The following PRELID2 variants were observed in gnomAD, a reference collection of about 807,000 sequenced individuals.
PRELID2 encodes the protein PRELI domain-containing protein 2.
PRELID2 carries 25 observed loss-of-function variants against 28.4 expected under a neutral mutation model. That is an observed-to-expected ratio of 0.88 (90% CI 0.64 to 1.23). The LOEUF is 1.23. PRELID2 is among the 50% of genes most tolerant of loss of function. The pLI, the probability that PRELID2 is intolerant of heterozygous loss-of-function variation, is 0.00. For missense variants in PRELID2, 201 were observed against 214.4 expected (o/e 0.94, Z 0.39); for synonymous variants, 76 against 71.6 (o/e 1.06, Z -0.31).
At chr5:145,792,556 A>G (rs1206462803) in intron 5 of PRELID2, among the ~76,000 whole-genome samples, 1 of 152,190 alleles carries the variant, frequency 6.6e-6, no homozygotes, top group Non-Finnish European at 1.5e-5. Context: ...CCAGAAGTAA[A>G]GCTACTTAAG....
At chr5:145,766,153 C>T (rs1757744650) in intron 5 of PRELID2, among the ~76,000 whole-genome samples, 1 of 151,898 alleles carries the variant, frequency 6.6e-6, no homozygotes, top group East Asian at 1.9e-4. Flanking sequence ...CAATTATAAA[C>T]TGAGGTCTCC....
chr5:145,243,186 T>C, the PRELID2 span, among the ~76,000 whole-genome samples: 24 of 152,080 alleles, frequency 1.6e-4, no homozygotes, highest in Middle Eastern at 3.2e-3. Context: ...GTAATTTTTA[T>C]GCTCAATTGA....
At chr5:145,262,443 A>G in the PRELID2 span, among the ~76,000 whole-genome samples, 1 of 152,190 alleles carries the variant, frequency 6.6e-6, no homozygotes. Flanking sequence ...AAGCAAAAGC[A>G]TCAGGTAACC....
chr5:145,652,674 A>G (rs771454993), intron 1 of PRELID2, among the ~76,000 whole-genome samples: 1 of 152,232 alleles, frequency 6.6e-6, no homozygotes, highest in Non-Finnish European at 1.5e-5. Flanking sequence ...AAGGAGAAAT[A>G]AAATCCTTTA....
chr5:145,481,338 A>C (rs1407440354), intron 1 of PRELID2, among the ~76,000 whole-genome samples: 4 of 152,050 alleles, frequency 2.6e-5, no homozygotes, highest in African/African-American at 9.7e-5. Context: ...AAGAGTGCTT[A>C]AAACCTACTT....
intron 1 of PRELID2, among the ~76,000 whole-genome samples, chr5:145,604,749 T>TTG (rs1753472648): frequency 1.1e-5 from 1 of 90,632 alleles, no homozygotes; most frequent in African/African-American, 8.0e-5. Context: ...TTTTTTTTGG[T>TTG]TTTTTTTTTT....
chr5:145,816,524 T>A, intron 4 of PRELID2, among the ~76,000 whole-genome samples: 1 of 152,222 alleles, frequency 6.6e-6, no homozygotes, highest in East Asian at 1.9e-4. Context: ...TGACAAAGAT[T>A]TATACCCATG....
the PRELID2 span, among the ~76,000 whole-genome samples, chr5:145,434,744 C>T: frequency 6.6e-6 from 1 of 152,148 alleles, no homozygotes; most frequent in Non-Finnish European, 1.5e-5. Context: ...AAGTGGGGGG[C>T]ACTGGGTAGT....
intron 1 of PRELID2, among the ~76,000 whole-genome samples, chr5:145,513,914 A>C (rs1456249483): frequency 6.6e-6 from 1 of 152,118 alleles, no homozygotes; most frequent in East Asian, 1.9e-4. Context: ...AAGCGAGGGA[A>C]AAATAAAATC....
the PRELID2 span, among the ~76,000 whole-genome samples, chr5:145,256,071 G>A: frequency 6.6e-6 from 1 of 151,786 alleles, no homozygotes; most frequent in Non-Finnish European, 1.5e-5. Context: ...TGGAAGTCAA[G>A]GCAAAACAGG....
At chr5:145,335,831 C>A in the PRELID2 span, among the ~76,000 whole-genome samples, 1 of 152,186 alleles carries the variant, frequency 6.6e-6, no homozygotes, top group South Asian at 2.1e-4. Flanking sequence ...AGTTCTAGAT[C>A]CCTGAGGAAT....
At chr5:145,329,207 C>T in the PRELID2 span, among the ~76,000 whole-genome samples, 5 of 152,014 alleles carry the variant, frequency 3.3e-5, no homozygotes, top group South Asian at 2.1e-4. Context: ...GGTCAGGTAG[C>T]GCGATGCCTC....
chr5:145,402,106 A>G, the PRELID2 span, among the ~76,000 whole-genome samples: 1 of 152,334 alleles, frequency 6.6e-6, no homozygotes, highest in South Asian at 2.1e-4. Context: ...AGAGTTTACA[A>G]ATCATTTTCA....
chr5:145,508,413 A>G (rs1031332256), intron 1 of PRELID2, among the ~76,000 whole-genome samples: 1 of 152,168 alleles, frequency 6.6e-6, no homozygotes, highest in African/African-American at 2.4e-5. Context: ...TGCACAAAAA[A>G]CTACTCAGAA....
At position 145,759,128 on chromosome 5, in the gene PRELID2, G is replaced by A. The variant is rs1014137853; in HGVS notation, c.*1408C>T. The A allele has an allele frequency of 6.7e-6, 1 of 149,006 alleles. No homozygotes were observed. Among genetic ancestry groups the A allele is most frequent in the African/African-American group, 2.5e-5 (1 of 40,496 alleles). 9.2% of individuals were successfully genotyped at this position (149,006 alleles called of 1,614,324 possible). On this transcript the variant is annotated 3_prime_UTR_variant, in exon 7 of 7. Coordinates refer to ENST00000683046, the MANE Select transcript of PRELID2 (RefSeq NM_205846.3). ...CAATTCTCCTGCCTCAGACTCCCAA[G>A]TAGCTAGGATTACAGGCATGCGCCA...
At chr5:145,413,394 A>C in the PRELID2 span, among the ~76,000 whole-genome samples, 4 of 152,326 alleles carry the variant, frequency 2.6e-5, no homozygotes, top group Admixed American at 1.3e-4. Flanking sequence ...AATGTAACCT[A>C]GTACAACCAA....
chr5:145,404,522 A>G, the PRELID2 span, among the ~76,000 whole-genome samples: 2 of 152,230 alleles, frequency 1.3e-5, no homozygotes, highest in African/African-American at 4.8e-5. Context: ...CAAGGAGCAC[A>G]CAGAGTAGTG....
At chr5:145,663,125 T>C (rs933368785) in intron 1 of PRELID2, among the ~76,000 whole-genome samples, 1 of 152,058 alleles carries the variant, frequency 6.6e-6, no homozygotes, top group African/African-American at 2.4e-5. Context: ...CTGAGGGAAG[T>C]GCAATGTATG....
At chr5:145,817,001 C>T (rs1754349046) in intron 4 of PRELID2, among the ~76,000 whole-genome samples, 1 of 150,542 alleles carries the variant, frequency 6.6e-6, no homozygotes, top group Admixed American at 6.6e-5. Context: ...ATCTACGAAA[C>T]AAATTTTTTA....
Sources: gnomAD v4.1 joint callset for allele counts (sites outside exome capture counted in the v4.1 genomes callset) on GRCh38, gnomAD v4.1.1 for gene constraint, MANE v1.5 for transcripts, NCBI Gene and HGNC (gene_info 2026-07-23, HGNC 2026-07-21) for gene names.